BTC: variants seen among roughly 807,000 people sequenced by gnomAD.
BTC encodes the protein probetacellulin.
In BTC, 13 loss-of-function variants were observed where a neutral mutation model predicts 18.1. The observed-to-expected ratio is 0.72, with a 90% CI of 0.47 to 1.14. BTC has a LOEUF of 1.14. Among genes scored for constraint, BTC ranks in the 50% most tolerant of loss-of-function variants. BTC has a pLI of 0.00. For missense variants in BTC, 247 were observed against 224.2 expected, an observed-to-expected ratio of 1.10 and a Z score of -0.65; for synonymous variants, 83 against 79.4, an observed-to-expected ratio of 1.05 and a Z score of -0.24.
chr4:74,752,658 C>A (rs576409903), intron 3 of BTC, among the ~76,000 whole-genome samples: 4 of 152,090 alleles, frequency 2.6e-5, no homozygotes, highest in African/African-American at 7.2e-5. Flanking sequence ...GGATTACAGG[C>A]GTGAGCCACC....
In BTC at chr4:74,755,892, C is replaced by G. The variant is rs199674256; in HGVS notation, c.248G>C (p.Arg83Pro). Reference sequence around the variant, plus strand: ...GGGCGTCTGCTCGGCCACCACGAAGCGGCATCTCCCTTTGATGCAGTAATG... The same window carrying G: ...GGGCGTCTGCTCGGCCACCACGAAGGGGCATCTCCCTTTGATGCAGTAATG... ...YKHYCIKGRC[R>P]FVVAEQTPSC... Residue 83 changes from arginine (R) to proline (P), a missense_variant, in exon 3 of 6, where the codon CGC becomes CCC. Physicochemically the swap from Arg to Pro is moderately radical, Grantham distance 103. Transcript: ENST00000395743. 1 of 1,614,118 alleles carries G rather than the reference C, an allele frequency of 6.2e-7. No individual in the cohort carries two copies. The highest frequency in any genetic ancestry group is 2.2e-5 in the East Asian group (1 of 44,876).
chr4:74,777,663 A>G (rs1459828637), intron 1 of BTC, among the ~76,000 whole-genome samples: 2 of 152,122 alleles, frequency 1.3e-5, no homozygotes, highest in South Asian at 2.1e-4. Context: ...TAATAGAAAT[A>G]TGACACCTTC....
Position 74,770,058 on chromosome 4 carries a change from C to G in BTC, c.163G>C (p.Ala55Pro). ...GAATATAAAACTTGTTAAACTTTAC[C>G]TGCACAGTTTTCCTCAGGGTCTCCA... The part of the protein sequence containing the change: ...LCGDPEENCA[A>P]TTTQSKRKGH... The change falls in exon 2 of 6, where the codon GCT (alanine) becomes CCT (proline). Residue 55 changes from alanine (A) to proline (P), a missense_variant and splice_region_variant. Physicochemically the swap from Ala to Pro is conservative, Grantham distance 27. Transcript: ENST00000395743. 6.2e-7 allele frequency: 1 copy of G among 1,603,432 alleles called. No individual in the cohort carries two copies. The highest frequency in any genetic ancestry group is 8.5e-7 in the Non-Finnish European group (1 of 1,176,046).
At chr4:74,750,838 T>G in intron 3 of BTC, 119 bp from the exon 4 acceptor site, 2 of 1,371,770 alleles carry the variant, frequency 1.5e-6, no homozygotes, top group Non-Finnish European at 2.0e-6. Flanking sequence ...CACAGTTCCC[T>G]TTTTAAAAAA....
intron 1 of BTC, among the ~76,000 whole-genome samples, chr4:74,772,656 A>C (rs1401898096): frequency 5.3e-5 from 8 of 152,002 alleles, no homozygotes; most frequent in African/African-American, 1.9e-4. Flanking sequence ...TGAGAACAAA[A>C]AAAAAAAAAA....
At chr4:74,777,763 T>C (rs1162887102) in intron 1 of BTC, among the ~76,000 whole-genome samples, 3 of 152,118 alleles carry the variant, frequency 2.0e-5, no homozygotes, top group African/African-American at 7.2e-5. Flanking sequence ...TTCAGTTGGT[T>C]GGTTAAATGA....
intron 1 of BTC, among the ~76,000 whole-genome samples, chr4:74,774,134 A>ATTGT (rs1302652737): frequency 1.3e-5 from 2 of 152,252 alleles, no homozygotes; most frequent in Non-Finnish European, 2.9e-5. Flanking sequence ...TAATGTGTTA[A>ATTGT]TTGTTTCAGC....
chr4:74,769,989 G>A (rs528490221), intron 2 of BTC, 69 bp downstream of exon 2: 29 of 1,269,948 alleles, frequency 2.3e-5, no homozygotes, highest in African/African-American at 1.8e-4. Flanking sequence ...TGTTTACCTA[G>A]TATTATGAGT....
chr4:74,764,536 T>C (rs1019834456), intron 2 of BTC, among the ~76,000 whole-genome samples: 1 of 152,040 alleles, frequency 6.6e-6, no homozygotes, highest in African/African-American at 2.4e-5. Context: ...TAGAGAGACA[T>C]AAAAAACCAC....
chr4:74,778,891 G>A (rs980679259), intron 1 of BTC, among the ~76,000 whole-genome samples: 2 of 152,142 alleles, frequency 1.3e-5, no homozygotes, highest in African/African-American at 4.8e-5. Flanking sequence ...AGCAATTTGG[G>A]CATCAGGACA....
intron 1 of BTC, among the ~76,000 whole-genome samples, chr4:74,772,549 A>G (rs745689845): frequency 1.8e-4 from 28 of 152,120 alleles, no homozygotes; most frequent in South Asian, 4.1e-4. Flanking sequence ...AGCAATTTCT[A>G]CTGGAAAATA....
intron 1 of BTC, among the ~76,000 whole-genome samples, chr4:74,793,895 C>A (rs978512392): frequency 2.0e-5 from 3 of 151,486 alleles, no homozygotes; most frequent in African/African-American, 7.3e-5. Flanking sequence ...CACCCCCCGA[C>A]CCTCACTTGC....
chr4:74,750,851 A>C, intron 3 of BTC, 132 bp from the exon 4 acceptor site: 1 of 1,247,366 alleles, frequency 8.0e-7, no homozygotes, highest in Non-Finnish European at 1.1e-6. Context: ...TTAAAAAAAG[A>C]TGCACTACTT....
intron 1 of BTC, among the ~76,000 whole-genome samples, chr4:74,790,944 C>G (rs1725607563): frequency 1.3e-5 from 2 of 152,094 alleles, no homozygotes; most frequent in Non-Finnish European, 2.9e-5. Context: ...CTAGGATGAG[C>G]TTACATGCTT....
chr4:74,747,905 A>C, intron 5 of BTC, 135 bp downstream of exon 5: 2 of 490,202 alleles, frequency 4.1e-6, no homozygotes, highest in Non-Finnish European at 7.0e-6. Context: ...CTATGAAAAA[A>C]ACCATTGATT....
chr4:74,775,807 C>T (rs1281119553), intron 1 of BTC, among the ~76,000 whole-genome samples: 2 of 152,202 alleles, frequency 1.3e-5, no homozygotes, highest in African/African-American at 4.8e-5. Context: ...GACAGATTCT[C>T]ATATATTTGA....
chr4:74,782,743 T>G (rs1725366877), intron 1 of BTC, among the ~76,000 whole-genome samples: 1 of 152,146 alleles, frequency 6.6e-6, no homozygotes, highest in African/African-American at 2.4e-5. Context: ...CCCTTTTCTC[T>G]GCAACTCCAC....
chr4:74,748,460 C>T (rs113694864), intron 4 of BTC, among the ~76,000 whole-genome samples: 7 of 151,676 alleles, frequency 4.6e-5, no homozygotes, highest in African/African-American at 1.7e-4. Flanking sequence ...GGCGTGAACC[C>T]GGGAGGCGGA....
chr4:74,789,437 A>G (rs753924277), intron 1 of BTC, among the ~76,000 whole-genome samples: 46 of 152,214 alleles, frequency 3.0e-4, no homozygotes, highest in Non-Finnish European at 5.9e-4. Context: ...ATTGAATATT[A>G]CCTGCCAATT....
Sources: allele counts gnomAD v4.1 joint callset (sites outside exome capture counted in the v4.1 genomes callset), GRCh38; gene constraint gnomAD v4.1.1; transcripts MANE v1.5; gene names NCBI Gene and HGNC (gene_info 2026-07-23, HGNC 2026-07-21).